KIAA0825: variants seen among roughly 807,000 people sequenced by gnomAD.
KIAA0825 encodes KIAA0825, also known as uncharacterized protein KIAA0825.
Under a neutral mutation model 147.6 loss-of-function variants are expected in KIAA0825, and 119 were observed. That is an observed-to-expected ratio of 0.81 (90% CI 0.69 to 0.94). The LOEUF is 0.94. Ranked by LOEUF, KIAA0825 falls within the 40% of genes least tolerant of loss-of-function variation. The pLI is 0.00. For synonymous variants in KIAA0825, 470 were observed against 518.1 expected (o/e 0.91, Z 1.26); for missense variants, 1,381 against 1,472.7 (o/e 0.94, Z 1.02).
rs770983655 is a variant in KIAA0825 at position 94,520,597 on chromosome 5, T to C, written c.621A>G (p.Glu207=). 4.3e-6 allele frequency: 7 copies of C among 1,613,454 alleles called. No homozygotes were observed. The East Asian group carries it at 1.6e-4, about 36-fold the overall frequency. The change falls in exon 5 of 21, where the codon GAA becomes GAG. Residue 207 remains glutamate, a synonymous_variant. Coordinates refer to ENST00000682413, the MANE Select transcript of KIAA0825 (RefSeq NM_001145678.3). ...QQLLFLYPES[E]VIIKYQNIQN... is the part of the protein sequence containing the mutation. ...GTATGTTTTGGTATTTGATTATAAC[T>C]TCTGATTCTGGATAAAGAAACAAGA...
intron 14 of KIAA0825, among the ~76,000 whole-genome samples, chr5:94,423,140 GGCTCTTTT>G (rs755734379): frequency 2.0e-5 from 3 of 152,114 alleles, no homozygotes; most frequent in Non-Finnish European, 4.4e-5. Context: ...TATAGTTTTC[GGCTCTTTT>G]GGTGGTTTAG....
At chr5:94,396,821 C>A (rs986913370) in intron 16 of KIAA0825, among the ~76,000 whole-genome samples, 8 of 151,928 alleles carry the variant, frequency 5.3e-5, no homozygotes, top group African/African-American at 1.9e-4. Context: ...GCAAAGGTGC[C>A]CAGCTGGGCA....
chr5:94,320,705 A>G (rs1445616427), intron 20 of KIAA0825, among the ~76,000 whole-genome samples: 1 of 152,042 alleles, frequency 6.6e-6, no homozygotes, highest in Non-Finnish European at 1.5e-5. Flanking sequence ...CTAGGTACTC[A>G]GTGTATGTAT....
intron 5 of KIAA0825, among the ~76,000 whole-genome samples, chr5:94,506,131 C>T (rs551371818): frequency 6.6e-6 from 1 of 152,170 alleles, no homozygotes; most frequent in Non-Finnish European, 1.5e-5. Context: ...TCACCTAATA[C>T]AACAAAGGGC....
At chr5:94,176,870 T>C (rs901931712) in intron 20 of KIAA0825, among the ~76,000 whole-genome samples, 1 of 152,124 alleles carries the variant, frequency 6.6e-6, no homozygotes, top group Non-Finnish European at 1.5e-5. Flanking sequence ...TCTAATTTCA[T>C]TTTCCCAAAA....
chr5:94,240,917 G>GA (rs1357753003), intron 20 of KIAA0825, among the ~76,000 whole-genome samples: 1 of 152,086 alleles, frequency 6.6e-6, no homozygotes, highest in Non-Finnish European at 1.5e-5. Context: ...TTTCTCACAG[G>GA]AAAGGCAGAT....
At chr5:94,580,293 G>C (rs1428395864) in intron 2 of KIAA0825, among the ~76,000 whole-genome samples, 2 of 152,016 alleles carry the variant, frequency 1.3e-5, no homozygotes, top group Non-Finnish European at 2.9e-5. Context: ...GAGTCAGCAA[G>C]AAAAAGTCAA....
At chr5:94,400,788 C>T (rs573672629) in intron 16 of KIAA0825, among the ~76,000 whole-genome samples, 95 of 152,224 alleles carry the variant, frequency 6.2e-4, no homozygotes, top group Middle Eastern at 6.8e-3. Flanking sequence ...TAAATCCACA[C>T]TGTAATCTTT....
At chr5:94,307,448 A>G (rs969620146) in intron 20 of KIAA0825, among the ~76,000 whole-genome samples, 1 of 151,770 alleles carries the variant, frequency 6.6e-6, no homozygotes, top group Non-Finnish European at 1.5e-5. Flanking sequence ...TCAAAGCCCA[A>G]GACATCAAGG....
At chr5:94,260,928 G>A (rs1418861071) in intron 20 of KIAA0825, among the ~76,000 whole-genome samples, 3 of 152,024 alleles carry the variant, frequency 2.0e-5, no homozygotes, top group African/African-American at 7.2e-5. Flanking sequence ...TATATTTTTT[G>A]TTTTAATCAT....
chr5:94,205,836 C>G (rs1358243105), intron 20 of KIAA0825, among the ~76,000 whole-genome samples: 1 of 152,098 alleles, frequency 6.6e-6, no homozygotes, highest in Non-Finnish European at 1.5e-5. Context: ...AGCTAGGATG[C>G]CCATATAATT....
chr5:94,399,527 TA>T (rs1429436163), intron 16 of KIAA0825, among the ~76,000 whole-genome samples: 1 of 152,146 alleles, frequency 6.6e-6, no homozygotes, highest in Non-Finnish European at 1.5e-5. Context: ...GACAAATTAA[TA>T]AATCCATTCT....
intron 20 of KIAA0825, among the ~76,000 whole-genome samples, chr5:94,270,264 C>T (rs1776926581): frequency 6.6e-6 from 1 of 151,958 alleles, no homozygotes; most frequent in Admixed American, 6.6e-5. Flanking sequence ...ACCAATGGAA[C>T]ATAATTGAGA....
chr5:94,558,810 G>A (rs1174275264), intron 2 of KIAA0825, among the ~76,000 whole-genome samples: 1 of 152,166 alleles, frequency 6.6e-6, no homozygotes, highest in Non-Finnish European at 1.5e-5. Flanking sequence ...TAGGTCATAA[G>A]ACCTTCATTC....
chr5:94,171,475 G>A (rs1768606561), intron 20 of KIAA0825, among the ~76,000 whole-genome samples: 1 of 152,108 alleles, frequency 6.6e-6, no homozygotes, highest in South Asian at 2.1e-4. Context: ...ATATCAACTT[G>A]AATGTAAGTT....
At chr5:94,489,400 TC>T (rs1763438046) in intron 5 of KIAA0825, among the ~76,000 whole-genome samples, 1 of 152,098 alleles carries the variant, frequency 6.6e-6, no homozygotes, top group Non-Finnish European at 1.5e-5. Context: ...TCAGCAAGTG[TC>T]CCAAGTGAGT....
chr5:94,562,519 T>C (rs1000541329), intron 2 of KIAA0825, among the ~76,000 whole-genome samples: 1 of 152,240 alleles, frequency 6.6e-6, no homozygotes, highest in Non-Finnish European at 1.5e-5. Context: ...TAATAATCCC[T>C]GTCAAACCAC....
chr5:94,405,722 G>A (rs990749254), intron 15 of KIAA0825, among the ~76,000 whole-genome samples: 1 of 152,138 alleles, frequency 6.6e-6, no homozygotes, highest in Non-Finnish European at 1.5e-5. Context: ...AGAACAGACA[G>A]TAAGTAGTAC....
intron 13 of KIAA0825, among the ~76,000 whole-genome samples, chr5:94,450,799 G>C (rs114494629): frequency 0.014 from 2,120 of 152,244 alleles, 48 homozygotes; most frequent in African/African-American, 0.049. Flanking sequence ...TCACAAAAAA[G>C]ACCTTACATA....
Sources: gnomAD v4.1 joint callset for allele counts (sites outside exome capture counted in the v4.1 genomes callset) on GRCh38, gnomAD v4.1.1 for gene constraint, MANE v1.5 for transcripts, NCBI Gene and HGNC (gene_info 2026-07-23, HGNC 2026-07-21) for gene names.